ITPR2: variants seen among roughly 807,000 people sequenced by gnomAD.
The protein encoded by ITPR2 is inositol 1,4,5-trisphosphate receptor type 2.
A neutral mutation model predicts 317.1 loss-of-function variants in ITPR2; 207 were observed. The observed-to-expected ratio is 0.65, with a 90% CI of 0.58 to 0.73. ITPR2 has a LOEUF of 0.73. Among genes scored for constraint, ITPR2 ranks in the 30% least tolerant of loss-of-function variants. The pLI, the probability that ITPR2 is intolerant of heterozygous loss-of-function variation, is 0.00. For missense variants in ITPR2, 2,613 were observed against 3,284.0 expected (o/e 0.80, Z 4.99); for synonymous variants, 1,156 against 1,149.1 (o/e 1.01, Z -0.12).
In ITPR2 at chr12:26,409,330, A is replaced by T. The variant is rs564583180; in HGVS notation, c.7399+1990T>A. ...CAAAAAGTCTTTGATAAAAAGTCTC[A>T]TGATATCCTTTGAAAAAAGATAGAG... On this transcript the variant is annotated intron_variant, in intron 52 of 56. Transcript: ENST00000381340. Among the ~76,000 whole-genome samples the T allele has an allele frequency of 1.1e-4, 17 of 152,344 alleles. 1 individual carries two copies. The highest frequency in any genetic ancestry group is 2.2e-4 in the Non-Finnish European group (15 of 68,032).
At chr12:26,626,582 C>T (rs1324642221) in intron 23 of ITPR2, among the ~76,000 whole-genome samples, 1 of 152,208 alleles carries the variant, frequency 6.6e-6, no homozygotes, top group Non-Finnish European at 1.5e-5. Context: ...CTGGAAATAG[C>T]CCTTTGGGGT....
intron 26 of ITPR2, among the ~76,000 whole-genome samples, chr12:26,605,124 A>ATATATATATATATAT (rs1268947338): frequency 7.0e-4 from 59 of 83,824 alleles, no homozygotes; most frequent in South Asian, 2.0e-3. Context: ...ATAAAAAATA[A>ATATATATATATATAT]AAATATATAT....
chr12:26,344,170 G>A (rs1320298119), intron 55 of ITPR2, among the ~76,000 whole-genome samples: 1 of 152,136 alleles, frequency 6.6e-6, no homozygotes, highest in Non-Finnish European at 1.5e-5. Context: ...CTCCAGAACT[G>A]TGAGCCAATA....
chr12:26,449,500 A>T (rs1532067), intron 45 of ITPR2, among the ~76,000 whole-genome samples: 133,533 of 152,164 alleles, frequency 0.88, 58,673 homozygotes, highest in South Asian at 0.9. Context: ...CTTTCAAGCA[A>T]CCTACTTTCT....
chr12:26,624,315 T>C lies in ITPR2; in HGVS notation c.3106A>G (p.Thr1036Ala), dbSNP rs1249754327. The change falls in exon 24 of 57, where the codon ACT becomes GCT. Residue 1036 changes from threonine to alanine, a missense_variant. This residue lies in a region of ITPR2 where 817 missense variants were observed against 897.6 expected (regional missense o/e 0.91). Transcript: ENST00000381340. ...DIDEIAAQAE[T>A]MFAGRKEKNP... Reference sequence around the variant, plus strand: ...TTACTATACCTTCCCGCAAACATAGTTTCTGCCTGAGCTGCAATTTCATCT... The same window carrying C: ...TTACTATACCTTCCCGCAAACATAGCTTCTGCCTGAGCTGCAATTTCATCT... 7.5e-6 allele frequency: 12 copies of C among 1,608,032 alleles called. No individual in the cohort carries two copies. In the African/African-American group the frequency reaches 1.6e-4, roughly 22 times the overall value.
chr12:26,701,988 T>C (rs772719915), intron 9 of ITPR2, among the ~76,000 whole-genome samples: 6 of 152,222 alleles, frequency 3.9e-5, no homozygotes, highest in Non-Finnish European at 5.9e-5. Flanking sequence ...CATCAGATCA[T>C]AAACTGTGAA....
At chr12:26,507,905 G>A (rs1943234198) in intron 37 of ITPR2, among the ~76,000 whole-genome samples, 2 of 151,520 alleles carry the variant, frequency 1.3e-5, no homozygotes. Context: ...ATGTCAGTGT[G>A]TATGTGTGTA....
At chr12:26,557,596 C>T (rs1944698768) in intron 35 of ITPR2, among the ~76,000 whole-genome samples, 1 of 152,208 alleles carries the variant, frequency 6.6e-6, no homozygotes, top group African/African-American at 2.4e-5. Context: ...AGACCAGCAT[C>T]AAGCTGAATG....
At chr12:26,724,541 C>T in intron 4 of ITPR2, 115 bp downstream of exon 4, 1 of 688,166 alleles carries the variant, frequency 1.5e-6, no homozygotes, top group South Asian at 1.5e-5. Flanking sequence ...ATCGATAATT[C>T]CCATCAAAGA....
chr12:26,512,090 C>A (rs550666908), intron 37 of ITPR2, among the ~76,000 whole-genome samples: 1 of 152,016 alleles, frequency 6.6e-6, no homozygotes, highest in South Asian at 2.1e-4. Context: ...ATCCCAGGAC[C>A]CCAAAATGAC....
chr12:26,453,594 G>A (rs1941796694), intron 45 of ITPR2, among the ~76,000 whole-genome samples: 1 of 152,160 alleles, frequency 6.6e-6, no homozygotes, highest in South Asian at 2.1e-4. Flanking sequence ...ACATCTCTTT[G>A]ACCTTATTTC....
intron 36 of ITPR2, among the ~76,000 whole-genome samples, chr12:26,550,888 AAAAAC>A (rs1332183227): frequency 3.9e-5 from 6 of 152,232 alleles, no homozygotes; most frequent in East Asian, 3.9e-4. Flanking sequence ...ATTAAGAGCA[AAAAAC>A]AAAACAAAAC....
At chr12:26,661,107 A>G (rs1947485719) in intron 15 of ITPR2, among the ~76,000 whole-genome samples, 1 of 152,062 alleles carries the variant, frequency 6.6e-6, no homozygotes, top group Admixed American at 6.5e-5. Context: ...AACACACAAC[A>G]GAAAGGGAAG....
chr12:26,547,284 G>A (rs1027911751), intron 37 of ITPR2, among the ~76,000 whole-genome samples: 1 of 152,062 alleles, frequency 6.6e-6, no homozygotes. Flanking sequence ...AGAAATGGCC[G>A]AGAAGCATAT....
chr12:26,822,012 T>C (rs1055499318), intron 1 of ITPR2, among the ~76,000 whole-genome samples: 2 of 152,344 alleles, frequency 1.3e-5, no homozygotes, highest in Middle Eastern at 3.4e-3. Flanking sequence ...TGATGATCCA[T>C]GTAAGTTTCC....
chr12:26,568,033 A>T (rs1395973369), intron 34 of ITPR2, among the ~76,000 whole-genome samples: 10 of 130,680 alleles, frequency 7.7e-5, no homozygotes, highest in African/African-American at 1.8e-4. Flanking sequence ...TATATATATA[A>T]AATGTCAAAA....
Position 26,350,643 on chromosome 12 carries a change from GCAAGTGGTGGGTCTCACCCCCCAGA to G in ITPR2, c.7858-10340_7858-10316del, listed in dbSNP as rs1938450661. Among the ~76,000 whole-genome samples, 3 of 152,078 alleles carry G rather than the reference GCAAGTGGTGGGTCTCACCCCCCAGA, an allele frequency of 2.0e-5. No homozygotes were observed. In the South Asian group the frequency reaches 6.3e-4, roughly 32 times the overall value. On this transcript the variant is annotated intron_variant, in intron 55 of 56. Coordinates refer to ENST00000381340, the MANE Select transcript of ITPR2 (RefSeq NM_002223.4). ...TGAGCTTAGCTTTGTTCCTGTGGTGGCAAGTGGTGGGTCTCACCCCCCAGACAACAGCCTGGACTATGAATAGAGA... is the reference window on the plus strand; with the variant it reads ...TGAGCTTAGCTTTGTTCCTGTGGTGGCAACAGCCTGGACTATGAATAGAGA...
Position 26,621,169 on chromosome 12 carries a change from C to T in ITPR2, c.3416G>A (p.Gly1139Glu), listed in dbSNP as rs764683440. ...TTTCACTTGACTTTCCCCTATTTCT[C>T]CATTCTCATAGTTGCTGCTCTTCTC... ...WVEKSSNYENGEIGESQVKGG... is the reference protein window; with the variant it reads ...WVEKSSNYENEEIGESQVKGG... Residue 1139 changes from glycine (G) to glutamate (E), a missense_variant, in exon 26 of 57, where the codon GGA becomes GAA. By Grantham distance (98) the Gly-to-Glu change is moderately conservative. Transcript: ENST00000381340. 27 of 1,613,884 alleles carry T rather than the reference C, an allele frequency of 1.7e-5. No individual in the cohort carries two copies. In the South Asian group the frequency reaches 2.7e-4, roughly 16 times the overall value.
intron 37 of ITPR2, among the ~76,000 whole-genome samples, chr12:26,531,483 G>T (rs929751068): frequency 5.3e-5 from 8 of 152,062 alleles, no homozygotes; most frequent in African/African-American, 1.7e-4. Context: ...TTTTTCATTC[G>T]TCTTAGCTTT....
Sources: gnomAD v4.1 joint callset for allele counts (sites outside exome capture counted in the v4.1 genomes callset) on GRCh38, gnomAD v4.1.1 for gene constraint, gnomAD v4.1.1 regional missense constraint, MANE v1.5 for transcripts, NCBI Gene and HGNC (gene_info 2026-07-23, HGNC 2026-07-21) for gene names.